The following PSEN2 variants were observed in gnomAD, a reference collection of about 807,000 sequenced individuals.
The protein encoded by PSEN2 is presenilin 2.
A neutral mutation model predicts 49.1 loss-of-function variants in PSEN2; 32 were observed. The observed-to-expected ratio is 0.65, with a 90% CI of 0.49 to 0.88. The LOEUF (loss-of-function observed/expected upper bound fraction) is 0.88, where lower values mean the gene tolerates loss of function less well. Among genes scored for constraint, PSEN2 ranks in the 40% least tolerant of loss-of-function variants. The pLI is 0.00. For synonymous variants in PSEN2, 255 were observed against 244.0 expected, an observed-to-expected ratio of 1.05 and a Z score of -0.42; for missense variants, 522 against 586.9, an observed-to-expected ratio of 0.89 and a Z score of 1.14.
intron 11 of PSEN2, among the ~76,000 whole-genome samples, chr1:226,893,153 A>G (rs1228087535): frequency 6.6e-6 from 1 of 151,760 alleles, no homozygotes; most frequent in African/African-American, 2.4e-5. Flanking sequence ...CTGGTTTCGA[A>G]CTCCTGGGCT....
At chr1:226,870,839 G>A (rs1321125833) in intron 1 of PSEN2, 190 bp downstream of exon 1, 1 of 152,846 alleles carries the variant, frequency 6.5e-6, no homozygotes, top group Non-Finnish European at 1.5e-5. Context: ...CCAGCGCGGG[G>A]GCGGAGAGAG....
chr1:226,880,024 T>C (rs1033075546), intron 3 of PSEN2, among the ~76,000 whole-genome samples: 1 of 152,134 alleles, frequency 6.6e-6, no homozygotes, highest in African/African-American at 2.4e-5. Context: ...CCACAGGTCT[T>C]GTTAAGGGGA....
intron 1 of PSEN2, 33 bp from the exon 2 acceptor site, chr1:226,871,229 T>C (rs201944966): frequency 6.6e-6 from 1 of 152,338 alleles, no homozygotes; most frequent in South Asian, 2.1e-4. Flanking sequence ...AGAGCCGGTT[T>C]CTGTTAGCAG....
chr1:226,875,055 G>A (rs1477740831), intron 2 of PSEN2, among the ~76,000 whole-genome samples: 1 of 152,172 alleles, frequency 6.6e-6, no homozygotes, highest in Non-Finnish European at 1.5e-5. Flanking sequence ...GTGGGACAGG[G>A]CTGTTAGAGG....
intron 9 of PSEN2, chr1:226,890,520 C>T: frequency 3.1e-6 from 1 of 318,388 alleles, no homozygotes; most frequent in South Asian, 2.9e-5. Flanking sequence ...TCCTTGACAG[C>T]AGCGTGGCTG....
chr1:226,874,395 A>C (rs911583995), intron 2 of PSEN2, among the ~76,000 whole-genome samples: 4 of 152,244 alleles, frequency 2.6e-5, no homozygotes, highest in Non-Finnish European at 5.9e-5. Context: ...ATTATAATAC[A>C]GGGAGCTGAC....
chr1:226,891,247 C>T (rs1004740932), intron 9 of PSEN2, 31 bp from the exon 10 acceptor site: 2 of 1,606,018 alleles, frequency 1.2e-6, no homozygotes, highest in African/African-American at 1.3e-5. Context: ...GTTAGCACCG[C>T]CTGAGATGTG....
At chr1:226,891,876 AGCCTAC>A (rs1161031450) in intron 11 of PSEN2, 32 bp downstream of exon 11, 14 of 1,590,304 alleles carry the variant, frequency 8.8e-6, no homozygotes, top group Non-Finnish European at 1.2e-5. Context: ...GGCCTGCTTC[AGCCTAC>A]GGCGGGAGCG....
At chr1:226,896,230 C>T (rs1006325007), downstream of PSEN2, 7 of 158,100 alleles carry the variant, frequency 4.4e-5, no homozygotes, top group Non-Finnish European at 8.4e-5. Flanking sequence ...GATCTCGCCT[C>T]TCTGCACACA....
At chr1:226,880,495 C>G (rs1312853426) in intron 3 of PSEN2, 1 of 1,502,622 alleles carries the variant, frequency 6.7e-7, no homozygotes, top group Non-Finnish European at 8.9e-7. Flanking sequence ...CTGAGGGTCT[C>G]TGGACAGCGA....
At chr1:226,900,906 C>G (rs955477424), downstream of PSEN2, among the ~76,000 whole-genome samples, 1 of 152,130 alleles carries the variant, frequency 6.6e-6, no homozygotes, top group Non-Finnish European at 1.5e-5. Context: ...AATGAGTTTA[C>G]CTTCAATTCT....
intron 6 of PSEN2, among the ~76,000 whole-genome samples, chr1:226,886,650 C>G (rs1341084241): frequency 6.6e-6 from 1 of 152,212 alleles, no homozygotes; most frequent in Non-Finnish European, 1.5e-5. Context: ...CCGCTGCCAT[C>G]CATGGAGCAG....
chr1:226,884,447 G>A (rs114778691), intron 5 of PSEN2, among the ~76,000 whole-genome samples: 2,046 of 152,168 alleles, frequency 0.013, 47 homozygotes, highest in African/African-American at 0.047. Context: ...TAAAATACAT[G>A]CAGAGGCAGC....
chr1:226,882,284 C>T (rs1359051843), intron 4 of PSEN2, among the ~76,000 whole-genome samples: 2 of 152,264 alleles, frequency 1.3e-5, no homozygotes, highest in African/African-American at 2.4e-5. Context: ...GCTGTCCACT[C>T]TGCCACCTTG....
At chr1:226,872,146 C>G (rs141267340) in intron 2 of PSEN2, among the ~76,000 whole-genome samples, 5 of 152,304 alleles carry the variant, frequency 3.3e-5, no homozygotes, top group African/African-American at 1.2e-4. Context: ...GGGGCTGCTG[C>G]TGGGGTGCCT....
At chr1:226,886,754 G>A (rs546499567) in intron 6 of PSEN2, among the ~76,000 whole-genome samples, 2 of 152,238 alleles carry the variant, frequency 1.3e-5, no homozygotes, top group East Asian at 3.9e-4. Context: ...GCAGCAGAGG[G>A]GAAAGCCATG....
chr1:226,888,922 C>G lies in PSEN2; in HGVS notation c.660C>G (p.His220Gln). Residue 220 changes from histidine (H) to glutamine (Q), a missense_variant, in exon 8 of 13, where the codon CAC becomes CAG. By Grantham distance (24) the His-to-Gln change is conservative. Transcript: ENST00000366783. ...NFGAVGMVCI[H>Q]WKGPLVLQQA... The stretch of plus-strand genomic sequence containing the variant: ...GGGCAGTGGGCATGGTGTGCATCCA[C>G]TGGAAGGGCCCTCTGGTGCTGCAGC... The G allele has an allele frequency of 1.2e-6, 2 of 1,614,210 alleles. No individual in the cohort carries two copies. The highest frequency in any genetic ancestry group is 4.5e-5 in the East Asian group (2 of 44,888).
intron 3 of PSEN2, among the ~76,000 whole-genome samples, chr1:226,878,782 G>C (rs1026840681): frequency 6.6e-6 from 1 of 152,188 alleles, no homozygotes; most frequent in African/African-American, 2.4e-5. Context: ...ACTAGAAAAG[G>C]AGGTATTAAA....
At chr1:226,876,056 C>A (rs757366087) in intron 3 of PSEN2, among the ~76,000 whole-genome samples, 1 of 152,146 alleles carries the variant, frequency 6.6e-6, no homozygotes, top group Non-Finnish European at 1.5e-5. Flanking sequence ...GAAAGCTGGT[C>A]GCTGAGTGGC....
Sources: allele counts gnomAD v4.1 joint callset (sites outside exome capture counted in the v4.1 genomes callset), GRCh38; gene constraint gnomAD v4.1.1; transcripts MANE v1.5; gene names NCBI Gene and HGNC (gene_info 2026-07-23, HGNC 2026-07-21).